The following DDAH1 variants were observed in gnomAD, a reference collection of about 807,000 sequenced individuals.
DDAH1 encodes N(G),N(G)-dimethylarginine dimethylaminohydrolase 1.
DDAH1 carries 19 observed loss-of-function variants against 28.8 expected under a neutral mutation model. The ratio of observed to expected loss-of-function variants is 0.66; its 90% CI spans 0.46 to 0.97. DDAH1 has a LOEUF of 0.97. DDAH1 is among the 50% of genes least tolerant of loss of function. The pLI is 0.00. For synonymous variants in DDAH1, 153 were observed against 154.4 expected (o/e 0.99, Z 0.07); for missense variants, 326 against 375.9 (o/e 0.87, Z 1.10).
At chr1:85,428,717 C>A (rs1653529201) in intron 1 of DDAH1, among the ~76,000 whole-genome samples, 1 of 152,074 alleles carries the variant, frequency 6.6e-6, no homozygotes, top group Non-Finnish European at 1.5e-5. Flanking sequence ...ACATAAATAG[C>A]CAGCAGCATG....
intron 2 of DDAH1, among the ~76,000 whole-genome samples, chr1:85,353,219 T>C (rs549855053): frequency 2.6e-5 from 4 of 152,290 alleles, no homozygotes; most frequent in South Asian, 4.1e-4. Flanking sequence ...ATAATTATAG[T>C]ATGGAGTTAG....
chr1:85,390,271 G>A lies in DDAH1; in HGVS notation c.304-31424C>T, dbSNP rs1411090962. On this transcript the variant is annotated intron_variant, in intron 1 of 5. Coordinates refer to ENST00000284031, the MANE Select transcript of DDAH1 (RefSeq NM_012137.4). Reference sequence around the variant, plus strand: ...TGGTAATGGCCAAATTGGAGAACTGGCAAGATCTCCTACCTTCTAGTTAGA... The same window carrying A: ...TGGTAATGGCCAAATTGGAGAACTGACAAGATCTCCTACCTTCTAGTTAGA... 4.6e-5 allele frequency among the ~76,000 whole-genome samples: 7 copies of A among 152,282 alleles called. No homozygotes were observed. In the East Asian group the frequency reaches 9.7e-4, roughly 21 times the overall value.
At chr1:85,433,969 A>C (rs1394625047) in intron 1 of DDAH1, among the ~76,000 whole-genome samples, 2 of 152,164 alleles carry the variant, frequency 1.3e-5, no homozygotes, top group Admixed American at 6.5e-5. Context: ...AGGATTCAAA[A>C]AAATAATTTA....
chr1:85,501,675 AC>A (rs1452861126), intron 1 of DDAH1, among the ~76,000 whole-genome samples: 1 of 152,326 alleles, frequency 6.6e-6, no homozygotes, highest in African/African-American at 2.4e-5. Context: ...AGGAAAAAAG[AC>A]AAGGTGACCA....
chr1:85,405,099 A>G (rs1013919698), intron 1 of DDAH1, among the ~76,000 whole-genome samples: 10 of 152,150 alleles, frequency 6.6e-5, no homozygotes, highest in African/African-American at 2.4e-4. Flanking sequence ...CCCTTTATGC[A>G]GGGGCCACCA....
Position 85,465,092 on chromosome 1 carries a change from T to A in DDAH1, c.-47A>T. 8.3e-7 allele frequency: 1 copy of A among 1,203,158 alleles called. No individual in the cohort carries two copies. Among genetic ancestry groups the A allele is most frequent in the Non-Finnish European group, 1.0e-6 (1 of 971,042 alleles). The allele number at this position is 1,203,158 out of a possible 1,614,324, so 74.5% of individuals were successfully genotyped here. ...GGCGGCGGCGGCGGAGGCGGCCGGG[T>A]CCTGCCGCGGGCAGCGCGCGCTGAG... On this transcript the variant is annotated 5_prime_UTR_variant, in exon 1 of 6. Coordinates refer to ENST00000284031, the MANE Select transcript of DDAH1 (RefSeq NM_012137.4).
intron 1 of DDAH1, among the ~76,000 whole-genome samples, chr1:85,557,443 G>A (rs1047538740): frequency 3.9e-5 from 6 of 152,216 alleles, no homozygotes; most frequent in Admixed American, 1.3e-4. Context: ...TGAGAATACT[G>A]AAGTGTAGAA....
chr1:85,518,196 C>T (rs1197705066), intron 1 of DDAH1, among the ~76,000 whole-genome samples: 1 of 152,228 alleles, frequency 6.6e-6, no homozygotes, highest in African/African-American at 2.4e-5. Flanking sequence ...TCCCATTTCA[C>T]TACAACTTAT....
At chr1:85,408,207 T>C (rs921397664) in intron 1 of DDAH1, among the ~76,000 whole-genome samples, 3 of 152,186 alleles carry the variant, frequency 2.0e-5, no homozygotes, top group Non-Finnish European at 2.9e-5. Flanking sequence ...GCATAGAGCA[T>C]GGAACGTTCT....
intron 4 of DDAH1, among the ~76,000 whole-genome samples, chr1:85,340,745 C>T (rs527768229): frequency 1.3e-5 from 2 of 152,152 alleles, no homozygotes; most frequent in East Asian, 3.9e-4. Flanking sequence ...ACACCTTCAG[C>T]TTCTACTCCT....
At chr1:85,328,411 G>C (rs1297011552) in intron 4 of DDAH1, among the ~76,000 whole-genome samples, 1 of 152,238 alleles carries the variant, frequency 6.6e-6, no homozygotes, top group African/African-American at 2.4e-5. Context: ...GCCTCGATAT[G>C]CAAGGTGGCA....
intron 1 of DDAH1, among the ~76,000 whole-genome samples, chr1:85,461,097 G>C (rs1387050652): frequency 1.3e-5 from 2 of 152,192 alleles, no homozygotes; most frequent in Non-Finnish European, 2.9e-5. Context: ...CTAGGTGACA[G>C]AGTGAGACCC....
chr1:85,428,431 AT>A (rs1207715362), intron 1 of DDAH1, among the ~76,000 whole-genome samples: 2 of 152,140 alleles, frequency 1.3e-5, no homozygotes, highest in Non-Finnish European at 2.9e-5. Flanking sequence ...CATAAGACTT[AT>A]TCATTATCAT....
In DDAH1 at chr1:85,519,239, G is replaced by A. The variant is rs572651929; in HGVS notation, c.-122-22958C>T. On this transcript the variant is annotated intron_variant, in intron 1 of 6. Coordinates refer to the DDAH1 transcript ENST00000426972. Reference sequence around the variant, plus strand: ...CTCCCCAGTAGCTGCGACTACAGGCGCCCGCCACCAGGCCGGCGTAATTTT... The same window carrying A: ...CTCCCCAGTAGCTGCGACTACAGGCACCCGCCACCAGGCCGGCGTAATTTT... Among the ~76,000 whole-genome samples the A allele has an allele frequency of 5.3e-5, 8 of 151,960 alleles. No individual in the cohort carries two copies. The South Asian group carries it at 1.3e-3, about 24-fold the overall frequency.
intron 1 of DDAH1, among the ~76,000 whole-genome samples, chr1:85,534,633 A>G (rs1480159942): frequency 6.6e-6 from 1 of 151,952 alleles, no homozygotes; most frequent in Non-Finnish European, 1.5e-5. Flanking sequence ...CTTCTTTCCA[A>G]TTCTGAATCA....
intron 2 of DDAH1, among the ~76,000 whole-genome samples, chr1:85,354,001 A>G (rs1179559042): frequency 6.6e-6 from 1 of 152,206 alleles, no homozygotes; most frequent in Non-Finnish European, 1.5e-5. Context: ...GATGCTGCTT[A>G]TCTCTTCAAA....
chr1:85,375,151 A>T (rs1347187078), intron 1 of DDAH1, among the ~76,000 whole-genome samples: 1 of 152,190 alleles, frequency 6.6e-6, no homozygotes. Context: ...TAGCTGCCAA[A>T]AAGAAGTTGT....
intron 1 of DDAH1, among the ~76,000 whole-genome samples, chr1:85,534,015 A>G (rs1357016977): frequency 1.3e-5 from 2 of 152,232 alleles, no homozygotes; most frequent in Admixed American, 1.3e-4. Context: ...GACACCTTGT[A>G]GGTGCTTAGT....
In DDAH1 at chr1:85,550,292, C is replaced by T. The variant is rs182379148; in HGVS notation, c.-123+27692G>A. On this transcript the variant is annotated intron_variant, in intron 1 of 6. Transcript: ENST00000426972. ...TAAGGGTTACATTATTCAATCTATA[C>T]CAAATCTGTGATGAGGGTTTCATCC... Among the ~76,000 whole-genome samples the T allele has an allele frequency of 2.1e-3, 326 of 152,264 alleles. 2 individuals are homozygous for T. Among genetic ancestry groups the T allele is most frequent in the Non-Finnish European group, 4.2e-3 (284 of 68,012 alleles).
Sources: allele counts gnomAD v4.1 joint callset (sites outside exome capture counted in the v4.1 genomes callset), GRCh38; gene constraint gnomAD v4.1.1; transcripts MANE v1.5; gene names NCBI Gene and HGNC (gene_info 2026-07-23, HGNC 2026-07-21).